SYNE1: variants seen among roughly 807,000 people sequenced by gnomAD.
SYNE1 encodes spectrin repeat containing nuclear envelope protein 1, also known as nesprin-1.
Under a neutral mutation model 1,111.0 loss-of-function variants are expected in SYNE1, and 616 were observed. That is an observed-to-expected ratio of 0.55 (90% CI 0.52 to 0.59). The LOEUF is 0.59. Among genes scored for constraint, SYNE1 ranks in the 20% least tolerant of loss-of-function variants. SYNE1 has a pLI of 0.00. For synonymous variants in SYNE1, 3,855 were observed against 3,825.8 expected, an observed-to-expected ratio of 1.01 and a Z score of -0.28; for missense variants, 10,006 against 10,417.0, an observed-to-expected ratio of 0.96 and a Z score of 1.72.
intron 134 of SYNE1, 49 bp downstream of exon 134, chr6:152,151,910 C>T: frequency 6.2e-7 from 1 of 1,602,092 alleles, no homozygotes; most frequent in Non-Finnish European, 8.5e-7. Context: ...TTCAAATGGC[C>T]CAGTCCCATC....
chr6:152,323,395 C>T (rs2095941979), intron 82 of SYNE1, 83 bp downstream of exon 82: 2 of 1,582,182 alleles, frequency 1.3e-6, no homozygotes, highest in South Asian at 2.2e-5. Context: ...GCCGAGATCA[C>T]ACATTTGCAC....
At chr6:152,294,818 C>CTATATCAAGAGATATAGTAAAGA (rs1466971461) in intron 93 of SYNE1, among the ~76,000 whole-genome samples, 4 of 151,904 alleles carry the variant, frequency 2.6e-5, no homozygotes, top group African/African-American at 4.8e-5. Flanking sequence ...ATAAAATTTA[C>CTATATCAAGAGATATAGTAAAGA]TATATCAAGA....
At position 152,492,265 on chromosome 6, in the gene SYNE1, C is replaced by T. The variant is rs560825206; in HGVS notation, c.940-3762G>A. On this transcript the variant is annotated intron_variant, in intron 11 of 145. Transcript: ENST00000367255. Reference sequence around the variant, plus strand: ...TAGAAAAAGCTCCAAAAATTAGATTCTGGCCCTCAAACCCCACAACAAGAC... The same window carrying T: ...TAGAAAAAGCTCCAAAAATTAGATTTTGGCCCTCAAACCCCACAACAAGAC... Among the ~76,000 whole-genome samples the T allele has an allele frequency of 2.3e-4, 35 of 152,326 alleles. No individual in the cohort carries two copies. In the South Asian group the frequency reaches 2.9e-3, roughly 13 times the overall value.
chr6:152,243,162 C>T (rs1054242699), intron 106 of SYNE1, among the ~76,000 whole-genome samples: 1 of 152,116 alleles, frequency 6.6e-6, no homozygotes, highest in African/African-American at 2.4e-5. Context: ...GTCCATGTGG[C>T]TGAGGGACAT....
intron 124 of SYNE1, among the ~76,000 whole-genome samples, chr6:152,210,753 A>C (rs1331338122): frequency 6.6e-6 from 1 of 152,224 alleles, no homozygotes; most frequent in Non-Finnish European, 1.5e-5. Flanking sequence ...GATAAAGTAA[A>C]TATTGTTCCT....
chr6:152,323,380 A>G, intron 82 of SYNE1, 98 bp downstream of exon 82: 4 of 1,548,192 alleles, frequency 2.6e-6, no homozygotes, highest in Non-Finnish European at 3.5e-6. Context: ...CGGAGCTTGC[A>G]GTGAGCCGAG....
chr6:152,283,809 A>C (rs912381557), intron 96 of SYNE1, among the ~76,000 whole-genome samples, 169 bp downstream of exon 96: 2 of 152,220 alleles, frequency 1.3e-5, no homozygotes, highest in Non-Finnish European at 2.9e-5. Context: ...TGCTGGGATT[A>C]CAGGTGTGAA....
intron 3 of SYNE1, among the ~76,000 whole-genome samples, 173 bp from the exon 4 acceptor site, chr6:152,540,194 T>C (rs559084066): frequency 1.4e-3 from 209 of 149,744 alleles, no homozygotes; most frequent in African/African-American, 5.2e-3. Flanking sequence ...CATAATCATA[T>C]AGACTATTCC....
intron 82 of SYNE1, among the ~76,000 whole-genome samples, chr6:152,322,523 C>T (rs757256664): frequency 2.6e-5 from 4 of 152,142 alleles, no homozygotes; most frequent in Non-Finnish European, 4.4e-5. Flanking sequence ...GATTAACTTG[C>T]TCTTTCTACT....
intron 3 of SYNE1, among the ~76,000 whole-genome samples, chr6:152,574,161 T>C (rs2099486248): frequency 6.8e-6 from 1 of 147,498 alleles, no homozygotes; most frequent in Admixed American, 6.9e-5. Flanking sequence ...CACATATATA[T>C]GTATATATAT....
chr6:152,367,447 T>G lies in SYNE1; in HGVS notation c.9808-65A>C, dbSNP rs1326234321. 46 of 1,598,254 alleles carry G rather than the reference T, an allele frequency of 2.9e-5. No individual in the cohort carries two copies. In the East Asian group the frequency reaches 1.0e-3, roughly 36 times the overall value. On this transcript the variant is annotated intron_variant, in intron 61 of 145. Transcript: ENST00000367255. Reference sequence around the variant, plus strand: ...CAGAGACAAACTGCAAAGCTAACAGTTTGTTTGAAACAAAGGCAATCAGTC... The same window carrying G: ...CAGAGACAAACTGCAAAGCTAACAGGTTGTTTGAAACAAAGGCAATCAGTC...
In SYNE1 at chr6:152,221,463, C is replaced by A; in HGVS notation, c.21619G>T (p.Glu7207Ter). 1 of 1,613,878 alleles carries A rather than the reference C, an allele frequency of 6.2e-7. No individual in the cohort carries two copies. The highest frequency in any genetic ancestry group is 8.5e-7 in the Non-Finnish European group (1 of 1,179,942). ...TCTTTCAGTGTATTGGTAAGAGTTT[C>A]TGTCACGGGTGGGTGACACTCTTTT... ...LLKECHPPVTETLTNTLKEVN... is the reference protein window; with the variant it reads ...LLKECHPPVT The change falls in exon 118 of 146, where the codon GAA becomes TAA. Residue 7207 changes from glutamate (E) to a stop codon, truncating the protein, a stop_gained. Transcript: ENST00000367255. LOFTEE classifies it high-confidence loss of function.
chr6:152,629,838 A>C (rs2623941), intron 2 of SYNE1, among the ~76,000 whole-genome samples: 112,402 of 151,692 alleles, frequency 0.74, 41,758 homozygotes, highest in East Asian at 0.82. Flanking sequence ...GAGAGGAAGA[A>C]GGGGAGAATG....
In SYNE1 at chr6:152,217,605, G is replaced by A. The variant is rs1353723868; in HGVS notation, c.22191+652C>T. 2.0e-5 allele frequency among the ~76,000 whole-genome samples: 3 copies of A among 152,052 alleles called. No homozygotes were observed. The South Asian group carries it at 6.2e-4, about 32-fold the overall frequency. On this transcript the variant is annotated intron_variant, in intron 121 of 145. Transcript: ENST00000367255. ...GTGAATGGATGCAGATCTGTGGGAG[G>A]CGGCTGTAGGGTCTCAGAGAGATAG...
intron 74 of SYNE1, among the ~76,000 whole-genome samples, chr6:152,340,798 C>T (rs994062410): frequency 5.3e-5 from 8 of 152,186 alleles, no homozygotes; most frequent in African/African-American, 1.7e-4. Flanking sequence ...CCGAACATCA[C>T]GTGGAGAACG....
chr6:152,346,635 C>T (rs574179323), intron 73 of SYNE1, among the ~76,000 whole-genome samples: 1 of 151,822 alleles, frequency 6.6e-6, no homozygotes, highest in Admixed American at 6.6e-5. Flanking sequence ...ACGGTGAAAC[C>T]CCGTCTCTAC....
intron 3 of SYNE1, among the ~76,000 whole-genome samples, chr6:152,593,725 G>A (rs1429628170): frequency 6.6e-6 from 1 of 152,122 alleles, no homozygotes; most frequent in Non-Finnish European, 1.5e-5. Flanking sequence ...AATGTTGATG[G>A]TGCCATTTGT....
chr6:152,505,912 G>A (rs996287728), intron 8 of SYNE1, among the ~76,000 whole-genome samples: 2 of 152,206 alleles, frequency 1.3e-5, no homozygotes, highest in Non-Finnish European at 2.9e-5. Flanking sequence ...TAATGTGGCT[G>A]AATACTTTCA....
At chr6:152,547,375 G>A (rs893448980) in intron 3 of SYNE1, among the ~76,000 whole-genome samples, 2 of 152,186 alleles carry the variant, frequency 1.3e-5, no homozygotes, top group Admixed American at 6.5e-5. Context: ...TGAGGGAACC[G>A]CCATTGGAAA....
Sources: gnomAD v4.1 joint callset for allele counts (sites outside exome capture counted in the v4.1 genomes callset) on GRCh38, gnomAD v4.1.1 for gene constraint, MANE v1.5 for transcripts, NCBI Gene and HGNC (gene_info 2026-07-23, HGNC 2026-07-21) for gene names.